BMS1: variants seen among roughly 807,000 people sequenced by gnomAD.
BMS1 encodes ribosome biogenesis protein BMS1 homolog.
A neutral mutation model predicts 138.7 loss-of-function variants in BMS1; 53 were observed. The ratio of observed to expected loss-of-function variants is 0.38; its 90% CI spans 0.31 to 0.48. The LOEUF (loss-of-function observed/expected upper bound fraction) is 0.48, where lower values mean the gene tolerates loss of function less well. BMS1 is among the 20% of genes least tolerant of loss of function. BMS1 has a pLI of 0.97. For synonymous variants in BMS1, 504 were observed against 539.9 expected, an observed-to-expected ratio of 0.93 and a Z score of 0.92; for missense variants, 1,360 against 1,565.5, an observed-to-expected ratio of 0.87 and a Z score of 2.22.
chr10:42,817,880 C>T (rs1842394983), intron 15 of BMS1, among the ~76,000 whole-genome samples: 2 of 152,168 alleles, frequency 1.3e-5, no homozygotes, highest in Admixed American at 1.3e-4. Context: ...TGATCAGTGG[C>T]CCCTGTGGCT....
intron 5 of BMS1, among the ~76,000 whole-genome samples, chr10:42,790,914 C>T (rs1448938470): frequency 6.6e-6 from 1 of 151,564 alleles, no homozygotes; most frequent in East Asian, 1.9e-4. Flanking sequence ...CCTGAATTTC[C>T]TTTGTGTGTG....
chr10:42,794,349 C>T (rs1841606437), intron 9 of BMS1, among the ~76,000 whole-genome samples: 1 of 152,064 alleles, frequency 6.6e-6, no homozygotes, highest in Admixed American at 6.6e-5. Flanking sequence ...AGCCACATGC[C>T]TTGTCTCTGA....
chr10:42,794,026 A>G (rs376583377), intron 9 of BMS1, 35 bp downstream of exon 9: 1 of 1,601,266 alleles, frequency 6.2e-7, no homozygotes. Flanking sequence ...TAATAAAAAG[A>G]TGTATTACAA....
rs764065209 is a variant in BMS1 at position 42,797,502 on chromosome 10, C to G, written c.2068C>G (p.Arg690Gly). Residue 690 changes from arginine (R) to glycine (G), a missense_variant, in exon 11 of 23, where the codon CGA becomes GGA. Physicochemically the swap from Arg to Gly is moderately radical, Grantham distance 125. Transcript: ENST00000374518. ...LRQQQAAPNL[R>G]KLIYGTVTED... is the part of the protein sequence containing the mutation. ...GCAGCAGCAAGCAGCTCCAAACCTC[C>G]GAAAGCTTATTTATGGGACAGGTAA... 6.2e-7 allele frequency: 1 copy of G among 1,614,098 alleles called. No homozygotes were observed. Among genetic ancestry groups the G allele is most frequent in the Admixed American group, 1.7e-5 (1 of 60,024 alleles).
At chr10:42,802,804 A>G (rs1841910505) in intron 13 of BMS1, among the ~76,000 whole-genome samples, 1 of 151,000 alleles carries the variant, frequency 6.6e-6, no homozygotes, top group Admixed American at 6.6e-5. Context: ...TAAAATAAAT[A>G]AAATATTATT....
rs1842798751 is a variant in BMS1, at chr10:42,831,481, G to C, written c.*385G>C. 1 of 185,066 alleles carries C rather than the reference G, an allele frequency of 5.4e-6. No homozygotes were observed. Among genetic ancestry groups the C allele is most frequent in the Non-Finnish European group, 1.1e-5 (1 of 87,440 alleles). 11.5% of individuals were successfully genotyped at this position (185,066 alleles called of 1,614,324 possible). On this transcript the variant is annotated 3_prime_UTR_variant, in exon 23 of 23. Transcript: ENST00000374518. ...TAATTATTTATACTACCACCTTCAT[G>C]AGGAGTCTTCCAGAAGAGAAAGAAA...
intron 13 of BMS1, among the ~76,000 whole-genome samples, chr10:42,812,692 G>C (rs1295211067): frequency 1.3e-5 from 2 of 152,220 alleles, no homozygotes; most frequent in Non-Finnish European, 2.9e-5. Context: ...CGCAGGGTCA[G>C]ATGGGCACCA....
At chr10:42,825,209 A>T (rs918081570) in intron 21 of BMS1, among the ~76,000 whole-genome samples, 11 of 151,918 alleles carry the variant, frequency 7.2e-5, no homozygotes, top group Non-Finnish European at 1.0e-4. Context: ...GGGTTTCACT[A>T]TGTTTGCTGG....
At chr10:42,826,237 T>TTTTGTG (rs1491373880) in intron 21 of BMS1, among the ~76,000 whole-genome samples, 76 of 145,764 alleles carry the variant, frequency 5.2e-4, no homozygotes, top group African/African-American at 1.9e-3. Flanking sequence ...TTTTTGTTTG[T>TTTTGTG]TGTGTGTGTG....
rs531515725 is a variant in BMS1, at chr10:42,798,639, G to A, written c.2247+14G>A. ...GATTTAGAGGAGGTAAGTCTGGGTA[G>A]TACATTTGATTTATTAGAGAATTAG... On this transcript the variant is annotated intron_variant, in intron 12 of 22. Transcript: ENST00000374518. 3 of 1,612,206 alleles carry A rather than the reference G, an allele frequency of 1.9e-6. No individual in the cohort carries two copies. In the African/African-American group the frequency reaches 4.0e-5, roughly 21 times the overall value.
chr10:42,788,112 T>C (rs1326228494), intron 4 of BMS1, among the ~76,000 whole-genome samples: 3 of 152,156 alleles, frequency 2.0e-5, no homozygotes, highest in East Asian at 1.9e-4. Flanking sequence ...TAAAAAGTAA[T>C]ACAGATTTTA....
In BMS1 at chr10:42,825,885, A is replaced by G. The variant is rs369841597; in HGVS notation, c.3456+2101A>G. Among the ~76,000 whole-genome samples the G allele has an allele frequency of 3.3e-5, 5 of 152,260 alleles. 1 individual carries two copies. The highest frequency in any genetic ancestry group is 6.5e-5 in the Admixed American group (1 of 15,298). ...AGCTTTTAGTTGTTCCCCACTAACT[A>G]TTATGTAGACTGTGGGTTTTTCATA... On this transcript the variant is annotated intron_variant, in intron 21 of 22. Coordinates refer to ENST00000374518, the MANE Select transcript of BMS1 (RefSeq NM_014753.4).
chr10:42,802,205 C>A lies in BMS1; in HGVS notation c.2316C>A (p.Val772=). ...KWEDDKDAAK[V]LAEDEELYGD... is the part of the protein sequence containing the mutation. ...AAGATGATAAAGATGCAGCCAAGGTCTTAGCAGAAGATGGTAAGTAAAGAG... is the reference window on the plus strand; with the variant it reads ...AAGATGATAAAGATGCAGCCAAGGTATTAGCAGAAGATGGTAAGTAAAGAG... The change falls in exon 13 of 23, where the codon GTC becomes GTA. Residue 772 remains valine, a synonymous_variant. Coordinates refer to ENST00000374518, the MANE Select transcript of BMS1 (RefSeq NM_014753.4). 6.2e-7 allele frequency: 1 copy of A among 1,613,284 alleles called. No homozygotes were observed. Among genetic ancestry groups the A allele is most frequent in the South Asian group, 1.1e-5 (1 of 90,936 alleles).
Position 42,820,596 on chromosome 10 carries a change from C to G in BMS1, c.2858C>G (p.Thr953Ser). The change falls in exon 17 of 23, where the codon ACC (threonine) becomes AGC (serine). Residue 953 changes from threonine (T) to serine (S), a missense_variant. Thr to Ser is a moderately conservative substitution (Grantham distance 58). Coordinates refer to ENST00000374518, the MANE Select transcript of BMS1 (RefSeq NM_014753.4). The stretch of plus-strand genomic sequence containing the variant: ...TCTGTAGGGTGGAGGAGGTTTCAGA[C>G]CATCCCACTGTATTATATCGAAGAC... ...IFSVGWRRFQ[T>S]IPLYYIEDHN... 1 of 1,611,708 alleles carries G rather than the reference C, an allele frequency of 6.2e-7. No individual in the cohort carries two copies. The highest frequency in any genetic ancestry group is 8.5e-7 in the Non-Finnish European group (1 of 1,179,658).
rs1589139250 is a variant in BMS1 at position 42,798,470 on chromosome 10, A to G, written c.2092A>G (p.Thr698Ala). ...TTCTGCCATGGTGTGCTCTTTAGTG[A>G]CAGAAGATAATGAAGAAGAAGATGA... is the stretch of plus-strand genomic sequence containing the variant. ...NLRKLIYGTV[T>A]EDNEEEDDDT... Residue 698 changes from threonine (T) to alanine (A), a missense_variant and splice_region_variant, in exon 12 of 23, where the codon ACA becomes GCA. Thr to Ala is a moderately conservative substitution (Grantham distance 58). Around this residue, in one of 3 missense-constraint regions of BMS1, gnomAD observed 697 missense variants for 686.2 expected, o/e 1.02. Transcript: ENST00000374518. The G allele has an allele frequency of 1.2e-6, 2 of 1,614,134 alleles. No individual in the cohort carries two copies. The highest frequency in any genetic ancestry group is 1.7e-6 in the Non-Finnish European group (2 of 1,180,018).
chr10:42,822,225 A>G (rs751311256), intron 19 of BMS1, 41 bp downstream of exon 19: 2 of 1,171,950 alleles, frequency 1.7e-6, no homozygotes, highest in East Asian at 2.4e-5. Context: ...AAATGTCCAT[A>G]TTGTTTGAGA....
At chr10:42,816,778 T>C in intron 14 of BMS1, 106 bp downstream of exon 14, 1 of 883,004 alleles carries the variant, frequency 1.1e-6, no homozygotes, top group Non-Finnish European at 1.7e-6. Context: ...GCAGACTGGA[T>C]AGATAGATTC....
rs1013359297 is a variant in BMS1, at chr10:42,798,414, T to G, written c.2090-54T>G. 5 of 1,606,162 alleles carry G rather than the reference T, an allele frequency of 3.1e-6. No homozygotes were observed. The African/African-American group carries it at 6.7e-5, about 22-fold the overall frequency. ...GGCCTAACTGGTTGAAAATGATGAG[T>G]CCTCTAGGGCTGTAATTTTTGTTCT... On this transcript the variant is annotated intron_variant, in intron 11 of 22. Transcript: ENST00000374518.
In BMS1 at chr10:42,793,083, G is replaced by A. The variant is rs778680325; in HGVS notation, c.1028G>A (p.Gly343Glu). Residue 343 changes from glycine (G) to glutamate (E), a missense_variant, in exon 8 of 23, where the codon GGG (glycine) becomes GAG (glutamate). This residue lies in a region of BMS1 where 697 missense variants were observed against 686.2 expected (regional missense o/e 1.02). Coordinates refer to ENST00000374518, the MANE Select transcript of BMS1 (RefSeq NM_014753.4). ...KLVYAPLSGVGGVLYDKDAVY... is the reference protein window; with the variant it reads ...KLVYAPLSGVEGVLYDKDAVY... ...GTTTATGCGCCTCTTTCTGGAGTTGGGGGTGTGCTGTATGACAAAGACGCT... is the reference window on the plus strand; with the variant it reads ...GTTTATGCGCCTCTTTCTGGAGTTGAGGGTGTGCTGTATGACAAAGACGCT... 6.2e-6 allele frequency: 10 copies of A among 1,613,844 alleles called. No individual in the cohort carries two copies. The highest frequency in any genetic ancestry group is 6.8e-6 in the Non-Finnish European group (8 of 1,179,962).
Sources: allele counts gnomAD v4.1 joint callset (sites outside exome capture counted in the v4.1 genomes callset), GRCh38; gene constraint gnomAD v4.1.1; regional missense constraint gnomAD v4.1.1; transcripts MANE v1.5; gene names NCBI Gene and HGNC (gene_info 2026-07-23, HGNC 2026-07-21).